The following DCST2 variants were observed in gnomAD, a reference collection of about 807,000 sequenced individuals.
The protein encoded by DCST2 is DC-STAMP domain containing 2.
In DCST2, 64 loss-of-function variants were observed where a neutral mutation model predicts 81.8. That is an observed-to-expected ratio of 0.78 (90% confidence interval 0.64 to 0.96). DCST2 has a LOEUF of 0.96. DCST2 is among the 40% of genes least tolerant of loss of function. DCST2 has a pLI of 0.00. For synonymous variants in DCST2, 354 were observed against 402.6 expected, an observed-to-expected ratio of 0.88 and a Z score of 1.44; for missense variants, 945 against 1,001.4, an observed-to-expected ratio of 0.94 and a Z score of 0.76.
In DCST2 at chr1:155,023,411, G is replaced by A. The variant is rs367722659; in HGVS notation, c.1917C>T (p.Ser639=). Residue 639 remains serine (S), a synonymous_variant, in exon 13 of 15, where the codon TCC becomes TCT. Coordinates refer to ENST00000368424, the MANE Select transcript of DCST2 (RefSeq NM_144622.3). ...GGTAGGAGAGGGGAGATGCACACAC[G>A]GAGCAGGTATTGTCCAGGAGGCGGA... ...TCFRLLDNTC[S]VCASPLSYQG... 8.6e-5 allele frequency: 138 copies of A among 1,606,804 alleles called. No individual in the cohort carries two copies. In the Middle Eastern group the frequency reaches 9.9e-4, roughly 11 times the overall value.
At chr1:155,026,898 T>C in intron 8 of DCST2, 183 bp from the exon 9 acceptor site, 1 of 666,658 alleles carries the variant, frequency 1.5e-6, no homozygotes, top group East Asian at 2.8e-5. Flanking sequence ...TTCTGGCTCC[T>C]AGGACTGGCC....
In DCST2 at chr1:155,033,407, C is replaced by T. The variant is rs200918766; in HGVS notation, c.268+27G>A. 14 of 1,606,576 alleles carry T rather than the reference C, an allele frequency of 8.7e-6. No homozygotes were observed. In the Admixed American group the frequency reaches 2.0e-4, roughly 23 times the overall value. On this transcript the variant is annotated intron_variant, in intron 1 of 14. Transcript: ENST00000368424. ...GCCCCAGCACCAGCCCCAGGACCTG[C>T]CCCCTAGCCCTGGGTGCCAAGCTCA... is the stretch of plus-strand genomic sequence containing the variant.
chr1:155,033,333 C>G, intron 1 of DCST2, 69 bp from the exon 2 acceptor site: 1 of 1,585,256 alleles, frequency 6.3e-7, no homozygotes, highest in Non-Finnish European at 8.6e-7. Flanking sequence ...CTTACATAAG[C>G]CTTCAGAATA....
Position 155,024,464 on chromosome 1 carries a change from G to A in DCST2, c.1742+8C>T. 1.3e-6 allele frequency: 2 copies of A among 1,595,486 alleles called. No individual in the cohort carries two copies. The highest frequency in any genetic ancestry group is 3.3e-4 in the Middle Eastern group (2 of 6,010). ...GCCCCACCCCTATAGAAAAGACAGTGGCCTCACCGACTGGCCAGCACTAGG... is the reference window on the plus strand; with the variant it reads ...GCCCCACCCCTATAGAAAAGACAGTAGCCTCACCGACTGGCCAGCACTAGG... On this transcript the variant is annotated splice_region_variant and intron_variant, in intron 11 of 14. Coordinates refer to ENST00000368424, the MANE Select transcript of DCST2 (RefSeq NM_144622.3).
At chr1:155,024,811 T>G (rs1659854017) in intron 10 of DCST2, among the ~76,000 whole-genome samples, 2 of 152,250 alleles carry the variant, frequency 1.3e-5, no homozygotes, top group Middle Eastern at 3.4e-3. Context: ...AACACTTTTA[T>G]TCATTCCTAA....
At chr1:155,019,610 C>A (rs1659687113) in intron 14 of DCST2, among the ~76,000 whole-genome samples, 1 of 152,216 alleles carries the variant, frequency 6.6e-6, no homozygotes, top group Non-Finnish European at 1.5e-5. Flanking sequence ...GACAGAGACC[C>A]TGGGCTGCCC....
In DCST2 at chr1:155,023,042, G is replaced by GA. The variant is rs1422342878; in HGVS notation, c.2105+74dup. On this transcript the variant is annotated intron_variant, in intron 14 of 14. Transcript: ENST00000368424. ...CCCTGGCAAAGGTCCAGACACCCAG[G>GA]AAGGCCTTTGCAAATGGAACAGAAC... 3.2e-6 allele frequency: 5 copies of GA among 1,547,568 alleles called. No individual in the cohort carries two copies. The African/African-American group carries it at 6.8e-5, about 21-fold the overall frequency.
chr1:155,018,619 G>C lies in DCST2; in HGVS notation c.2247C>G (p.Pro749=). The C allele has an allele frequency of 6.2e-7, 1 of 1,613,936 alleles. No individual in the cohort carries two copies. The highest frequency in any genetic ancestry group is 8.5e-7 in the Non-Finnish European group (1 of 1,179,894). The stretch of plus-strand genomic sequence containing the variant: ...GGACTGAGGGTTCTGAAGCTGGAGT[G>C]GGGGCTCCTTTAGTGGCGGAGGATG... ...PETSSATKGA[P]TPASEPSVPL... is the part of the protein sequence containing the mutation. The change falls in exon 15 of 15, where the codon CCC becomes CCG. Residue 749 remains proline (P), a synonymous_variant. Transcript: ENST00000368424.
rs199827714 is a variant in DCST2 at position 155,032,645 on chromosome 1, A to G, written c.541+22T>C. 94 of 1,609,736 alleles carry G rather than the reference A, an allele frequency of 5.8e-5. No individual in the cohort carries two copies. The African/African-American group carries it at 1.1e-3, about 19-fold the overall frequency. ...ACTGGGTGCATTTTGAGTCCCCGGGATAGACATGCTAATGTGCTTACCTAT... is the reference window on the plus strand; with the variant it reads ...ACTGGGTGCATTTTGAGTCCCCGGGGTAGACATGCTAATGTGCTTACCTAT... On this transcript the variant is annotated intron_variant, in intron 3 of 14. Coordinates refer to ENST00000368424, the MANE Select transcript of DCST2 (RefSeq NM_144622.3).
At chr1:155,032,085 C>T (rs1660107402) in intron 3 of DCST2, among the ~76,000 whole-genome samples, 1 of 152,184 alleles carries the variant, frequency 6.6e-6, no homozygotes, top group Non-Finnish European at 1.5e-5. Flanking sequence ...CCTCCGCCTC[C>T]TGGGTTCAAG....
intron 7 of DCST2, 23 bp downstream of exon 7, chr1:155,030,061 C>T: frequency 6.2e-7 from 1 of 1,611,834 alleles, no homozygotes; most frequent in Non-Finnish European, 8.5e-7. Context: ...GGCTTGGGCT[C>T]TCCCTGTCCT....
At chr1:155,026,927 G>A (rs1207275876) in intron 8 of DCST2, among the ~76,000 whole-genome samples, 2 of 152,180 alleles carry the variant, frequency 1.3e-5, no homozygotes, top group Non-Finnish European at 2.9e-5. Context: ...CAACTGGGTG[G>A]TACTGGTGTC....
At chr1:155,022,927 A>G (rs1310357047) in intron 14 of DCST2, among the ~76,000 whole-genome samples, 190 bp downstream of exon 14, 1 of 152,174 alleles carries the variant, frequency 6.6e-6, no homozygotes, top group African/African-American at 2.4e-5. Context: ...CCCCAAGGGC[A>G]TGGTGAGCTC....
Position 155,031,721 on chromosome 1 carries a change from A to G in DCST2, c.592T>C (p.Cys198Arg). The change falls in exon 4 of 15, where the codon TGC becomes CGC. Residue 198 changes from cysteine to arginine, a missense_variant. Coordinates refer to ENST00000368424, the MANE Select transcript of DCST2 (RefSeq NM_144622.3). Reference protein sequence around the residue: ...WQWLLHIGDVCNSELGNPYLK... With the variant: ...WQWLLHIGDVRNSELGNPYLK... ...TAAGGGTTGCCCAGTTCCGAGTTGC[A>G]CACATCGCCGATGTGCAGGAGCCAC... 1 of 1,613,984 alleles carries G rather than the reference A, an allele frequency of 6.2e-7. No homozygotes were observed. The highest frequency in any genetic ancestry group is 1.1e-5 in the South Asian group (1 of 91,086).
chr1:155,019,201 A>C (rs761940153), intron 14 of DCST2, among the ~76,000 whole-genome samples: 1 of 152,162 alleles, frequency 6.6e-6, no homozygotes, highest in East Asian at 1.9e-4. Flanking sequence ...TCCTCCCAAG[A>C]GGAGGCAGCT....
At chr1:155,027,777 G>C (rs901460833) in intron 8 of DCST2, among the ~76,000 whole-genome samples, 11 of 150,484 alleles carry the variant, frequency 7.3e-5, no homozygotes, top group African/African-American at 2.4e-4. Context: ...TGGCCATGCT[G>C]GTCTTGAACT....
intron 8 of DCST2, among the ~76,000 whole-genome samples, chr1:155,028,173 G>A (rs897265011): frequency 6.6e-6 from 1 of 151,980 alleles, no homozygotes; most frequent in African/African-American, 2.4e-5. Flanking sequence ...TGATCTACCC[G>A]CCTCATCCTC....
chr1:155,033,011 G>T, intron 2 of DCST2, 83 bp downstream of exon 2: 1 of 1,408,306 alleles, frequency 7.1e-7, no homozygotes, highest in Non-Finnish European at 9.5e-7. Flanking sequence ...CAGCAGAGAA[G>T]GAGGCCAAAG....
rs1404964374 is a variant in DCST2 at position 155,021,005 on chromosome 1, C to CTATT, written c.2105+2108_2105+2111dup. Among the ~76,000 whole-genome samples, 151 of 151,168 alleles carry CTATT rather than the reference C, an allele frequency of 1.0e-3. 2 individuals are homozygous for CTATT. The highest frequency in any genetic ancestry group is 3.5e-3 in the African/African-American group (143 of 41,050). On this transcript the variant is annotated intron_variant, in intron 14 of 14. Transcript: ENST00000368424. Reference sequence around the variant, plus strand: ...GCCCAGCTAATTTTTGTATTATTACCTATTTATTTATTGAGACCAATCCTC... The same window carrying CTATT: ...GCCCAGCTAATTTTTGTATTATTACCTATTTATTTATTTATTGAGACCAATCCTC...
Sources: allele counts gnomAD v4.1 joint callset (sites outside exome capture counted in the v4.1 genomes callset), GRCh38; gene constraint gnomAD v4.1.1; transcripts MANE v1.5; gene names NCBI Gene and HGNC (gene_info 2026-07-23, HGNC 2026-07-21).